The following RFWD3 variants were observed in gnomAD, a reference collection of about 807,000 sequenced individuals.
RFWD3 encodes the protein ring finger and WD repeat domain 3.
Under a neutral mutation model 87.7 loss-of-function variants are expected in RFWD3, and 65 were observed. The observed-to-expected ratio is 0.74, with a 90% CI of 0.61 to 0.91. RFWD3 has a LOEUF of 0.91. Ranked by LOEUF, RFWD3 falls within the 40% of genes least tolerant of loss-of-function variation. The pLI is 0.00. For synonymous variants in RFWD3, 433 were observed against 352.8 expected, an observed-to-expected ratio of 1.23 and a Z score of -2.55; for missense variants, 1,078 against 938.5, an observed-to-expected ratio of 1.15 and a Z score of -1.94.
At chr16:74,631,649 T>C (rs1959099546) in intron 9 of RFWD3, among the ~76,000 whole-genome samples, 1 of 152,208 alleles carries the variant, frequency 6.6e-6, no homozygotes, top group South Asian at 2.1e-4. Flanking sequence ...GAAGTCATCA[T>C]GGTACTCAAG....
intron 7 of RFWD3, among the ~76,000 whole-genome samples, chr16:74,637,004 C>T (rs141347512): frequency 0.016 from 2,368 of 151,770 alleles, 31 homozygotes; most frequent in Non-Finnish European, 0.022. Context: ...TGAGCCACCG[C>T]GCCCGGCCAG....
At chr16:74,656,339 A>G (rs1351834463) in intron 2 of RFWD3, among the ~76,000 whole-genome samples, 1 of 151,580 alleles carries the variant, frequency 6.6e-6, no homozygotes. Flanking sequence ...AAAGAAAAGA[A>G]AAGAAATATT....
At chr16:74,627,877 AC>A (rs1958981565) in intron 11 of RFWD3, among the ~76,000 whole-genome samples, 1 of 152,090 alleles carries the variant, frequency 6.6e-6, no homozygotes, top group Non-Finnish European at 1.5e-5. Context: ...GAAAGAAAAA[AC>A]CTAGAACACT....
In RFWD3 at chr16:74,622,176, G is replaced by C. The variant is rs1000379358; in HGVS notation, c.*1752C>G. 1.9e-4 allele frequency: 29 copies of C among 152,176 alleles called. No individual in the cohort carries two copies. Among genetic ancestry groups the C allele is most frequent in the African/African-American group, 7.0e-4 (29 of 41,442 alleles). 9.4% of individuals were successfully genotyped at this position (152,176 alleles called of 1,614,324 possible). The stretch of plus-strand genomic sequence containing the variant: ...TGTATCCTCTTGGTGGCAATCTGCT[G>C]AAGCCAGATGAGTTCTGCTTTTTAA... On this transcript the variant is annotated 3_prime_UTR_variant, in exon 13 of 13. Transcript: ENST00000361070.
chr16:74,625,756 T>C (rs1958914368), intron 12 of RFWD3, among the ~76,000 whole-genome samples: 2 of 152,220 alleles, frequency 1.3e-5, no homozygotes, highest in South Asian at 2.1e-4. Flanking sequence ...TGGCCTCTAG[T>C]CACACAAGTT....
intron 6 of RFWD3, among the ~76,000 whole-genome samples, chr16:74,639,677 AT>A (rs1959465055): frequency 6.6e-6 from 1 of 152,248 alleles, no homozygotes; most frequent in Non-Finnish European, 1.5e-5. Context: ...TAACAAATTA[AT>A]TTTAAAAAAT....
At chr16:74,652,533 C>CA (rs1252384605) in intron 2 of RFWD3, among the ~76,000 whole-genome samples, 1 of 152,140 alleles carries the variant, frequency 6.6e-6, no homozygotes, top group Non-Finnish European at 1.5e-5. Flanking sequence ...TCACCCAGAC[C>CA]AAGGTATTTT....
intron 6 of RFWD3, among the ~76,000 whole-genome samples, chr16:74,642,270 G>A (rs546043610): frequency 5.3e-5 from 8 of 151,842 alleles, no homozygotes; most frequent in Admixed American, 3.3e-4. Flanking sequence ...TTACAGGCAC[G>A]CACCACCACA....
rs1958793665 is a variant in RFWD3 at position 74,622,242 on chromosome 16, C to T, written c.*1686G>A. 1.3e-5 allele frequency: 2 copies of T among 152,160 alleles called. No homozygotes were observed. Among genetic ancestry groups the T allele is most frequent in the South Asian group, 2.1e-4 (1 of 4,822 alleles). The allele number at this position is 152,160 out of a possible 1,614,324, so 9.4% of individuals were successfully genotyped here. On this transcript the variant is annotated 3_prime_UTR_variant, in exon 13 of 13. Coordinates refer to ENST00000361070, the MANE Select transcript of RFWD3 (RefSeq NM_018124.4). ...GCCACTGAAACTAGGCCTGGGCAAC[C>T]ACTCTTAATCATTAACATATCAAAA...
At chr16:74,659,791 T>C (rs574188650) in intron 2 of RFWD3, among the ~76,000 whole-genome samples, 1 of 152,312 alleles carries the variant, frequency 6.6e-6, no homozygotes, top group East Asian at 1.9e-4. Context: ...TCCAGCCTTA[T>C]CACAACCAAA....
chr16:74,651,288 A>G (rs980903796), intron 3 of RFWD3, among the ~76,000 whole-genome samples: 4 of 152,214 alleles, frequency 2.6e-5, no homozygotes, highest in Non-Finnish European at 5.9e-5. Flanking sequence ...GTGTCAGCCT[A>G]GACAGGGTGC....
intron 2 of RFWD3, among the ~76,000 whole-genome samples, chr16:74,656,681 C>T (rs149696131): frequency 6.6e-6 from 1 of 152,276 alleles, no homozygotes; most frequent in African/African-American, 2.4e-5. Flanking sequence ...TGGTCTTGAA[C>T]TCCTGAGCTC....
At chr16:74,661,799 T>C (rs1348009314) in intron 1 of RFWD3, among the ~76,000 whole-genome samples, 11 of 152,334 alleles carry the variant, frequency 7.2e-5, no homozygotes. Flanking sequence ...AAGCTGAATA[T>C]GGACATTCAC....
intron 1 of RFWD3, among the ~76,000 whole-genome samples, chr16:74,666,009 T>C (rs1166606224): frequency 6.6e-6 from 1 of 151,618 alleles, no homozygotes; most frequent in Non-Finnish European, 1.5e-5. Flanking sequence ...TATAACACCT[T>C]TTTCTCTTTA....
rs1162164471 is a variant in RFWD3 at position 74,626,544 on chromosome 16, G to T, written c.1980C>A (p.His660Gln). The change falls in exon 12 of 13, where the codon CAC becomes CAA. Residue 660 changes from histidine (H) to glutamine (Q), a missense_variant. Coordinates refer to ENST00000361070, the MANE Select transcript of RFWD3 (RefSeq NM_018124.4). ...CLVTYRPDKN[H>Q]TTIRSVLMEM... ...CCATCAGCACACTTCGTATGGTGGT[G>T]TGATTTTTATCTATGGGACAGAGAA... The T allele has an allele frequency of 1.2e-6, 2 of 1,613,810 alleles. No homozygotes were observed. The highest frequency in any genetic ancestry group is 1.7e-6 in the Non-Finnish European group (2 of 1,179,850).
rs1327701413 is a variant in RFWD3, at chr16:74,621,872, T to C, written c.*2056A>G. 1 of 152,158 alleles carries C rather than the reference T, an allele frequency of 6.6e-6. No homozygotes were observed. The highest frequency in any genetic ancestry group is 2.4e-5 in the African/African-American group (1 of 41,426). The allele number at this position is 152,158 out of a possible 1,614,324, so 9.4% of individuals were successfully genotyped here. A position where few individuals can be genotyped will look rare whatever the true frequency, so the allele number is the denominator to read the frequency against. On this transcript the variant is annotated 3_prime_UTR_variant, in exon 13 of 13. Transcript: ENST00000361070. ...CCACTGCACCCAGTTAATTTTTGTA[T>C]TTTTAGTAGAGATGGGGTTTCACCA...
rs1380576281 is a variant in RFWD3, at chr16:74,632,543, G to A, written c.1557C>T (p.Asp519=). The A allele has an allele frequency of 6.2e-7, 1 of 1,614,004 alleles. No homozygotes were observed. The highest frequency in any genetic ancestry group is 8.5e-7 in the Non-Finnish European group (1 of 1,179,890). The change falls in exon 9 of 13, where the codon GAC becomes GAT. Residue 519 remains aspartate, a synonymous_variant. Transcript: ENST00000361070. The part of the protein sequence containing the change: ...LRGLLLSASL[D]NTIKLTSLET... ...CTCACCTGGTCAGTTTAATAGTGTTGTCTAGGGAAGCAGAGAGTAGCAAGC... is the reference window on the plus strand; with the variant it reads ...CTCACCTGGTCAGTTTAATAGTGTTATCTAGGGAAGCAGAGAGTAGCAAGC...
chr16:74,632,421 A>C, intron 9 of RFWD3, 102 bp downstream of exon 9: 5 of 1,346,462 alleles, frequency 3.7e-6, no homozygotes, highest in East Asian at 2.3e-5. Context: ...AAACAACAAC[A>C]ACAACAAAAA....
chr16:74,624,339 C>A (rs1958856317), intron 12 of RFWD3, among the ~76,000 whole-genome samples: 1 of 152,204 alleles, frequency 6.6e-6, no homozygotes, highest in Non-Finnish European at 1.5e-5. Flanking sequence ...GTGCCAGCCT[C>A]TTCTAGGGAC....
Sources: allele counts gnomAD v4.1 joint callset (sites outside exome capture counted in the v4.1 genomes callset), GRCh38; gene constraint gnomAD v4.1.1; transcripts MANE v1.5; gene names NCBI Gene and HGNC (gene_info 2026-07-23, HGNC 2026-07-21).